Variants in SEMA5A observed in about 807,000 individuals in gnomAD.
SEMA5A encodes semaphorin-5A.
In SEMA5A, 55 loss-of-function variants were observed where a neutral mutation model predicts 135.5. That is an observed-to-expected ratio of 0.41 (90% CI 0.33 to 0.51). SEMA5A has a LOEUF of 0.51. Ranked by LOEUF, SEMA5A falls within the 20% of genes least tolerant of loss-of-function variation. The pLI, the probability that SEMA5A is intolerant of heterozygous loss-of-function variation, is 0.37. For synonymous variants in SEMA5A, 580 were observed against 546.5 expected (o/e 1.06, Z -0.85); for missense variants, 1,290 against 1,419.9 (o/e 0.91, Z 1.47).
chr5:9,066,248 T>C (rs1358107747), intron 17 of SEMA5A, among the ~76,000 whole-genome samples, 173 bp downstream of exon 17: 1 of 152,238 alleles, frequency 6.6e-6, no homozygotes, highest in African/African-American at 2.4e-5. Context: ...GTAAGGCTCC[T>C]TTCTTTCAAT....
At chr5:9,116,588 T>C (rs1187855822) in intron 15 of SEMA5A, among the ~76,000 whole-genome samples, 3 of 152,244 alleles carry the variant, frequency 2.0e-5, no homozygotes, top group African/African-American at 7.2e-5. Context: ...ATGTCCCAGA[T>C]GAAAAATCAC....
intron 11 of SEMA5A, among the ~76,000 whole-genome samples, chr5:9,182,412 A>G (rs1343328285): frequency 6.6e-6 from 1 of 152,124 alleles, no homozygotes; most frequent in African/African-American, 2.4e-5. Context: ...TCTCAAACTG[A>G]TAGGTGTTCC....
At chr5:9,525,063 T>A (rs1458597354) in intron 1 of SEMA5A, among the ~76,000 whole-genome samples, 1 of 152,222 alleles carries the variant, frequency 6.6e-6, no homozygotes, top group Non-Finnish European at 1.5e-5. Context: ...TTTCTTGAAC[T>A]ACAAAAATAG....
At chr5:9,446,877 G>A (rs564835107) in intron 1 of SEMA5A, among the ~76,000 whole-genome samples, 23 of 152,202 alleles carry the variant, frequency 1.5e-4, no homozygotes, top group African/African-American at 4.1e-4. Context: ...TCTTATATCC[G>A]CCCTCTGGTC....
chr5:9,053,969 C>G (rs1483031881), intron 19 of SEMA5A, 118 bp downstream of exon 19: 2 of 1,199,840 alleles, frequency 1.7e-6, no homozygotes, highest in Admixed American at 2.4e-5. Context: ...ATGTTGCTAA[C>G]TTGCCCACCC....
intron 18 of SEMA5A, among the ~76,000 whole-genome samples, chr5:9,055,829 A>C (rs1366693210): frequency 2.6e-5 from 4 of 151,894 alleles, no homozygotes; most frequent in Admixed American, 2.0e-4. Context: ...ACTGGCTGTA[A>C]TATCAGCAAT....
At chr5:9,157,742 C>T (rs775855239) in intron 11 of SEMA5A, among the ~76,000 whole-genome samples, 3 of 152,184 alleles carry the variant, frequency 2.0e-5, no homozygotes. Flanking sequence ...TTGTGGCATA[C>T]CCTGGACATG....
intron 8 of SEMA5A, among the ~76,000 whole-genome samples, chr5:9,207,894 TAG>T (rs1746129406): frequency 4.1e-5 from 1 of 24,118 alleles, no homozygotes; most frequent in Non-Finnish European, 8.6e-5. Context: ...GATAGATAGA[TAG>T]ATACATAGAT....
At chr5:9,409,182 A>G (rs1195677719) in intron 2 of SEMA5A, among the ~76,000 whole-genome samples, 2 of 152,352 alleles carry the variant, frequency 1.3e-5, no homozygotes, top group Non-Finnish European at 2.9e-5. Flanking sequence ...TTCTACAGAA[A>G]GGTGCAGTTT....
In SEMA5A at chr5:9,226,864, C is replaced by T. The variant is rs758749267; in HGVS notation, c.432+5G>A. The T allele has an allele frequency of 6.2e-7, 1 of 1,601,218 alleles. No individual in the cohort carries two copies. The highest frequency in any genetic ancestry group is 1.7e-5 in the Admixed American group (1 of 58,670). ...ATTCTTTTGAGGCACAAAAAGAAGC[C>T]ATACCGAGCGGTTGGTGCAGACAGG... On this transcript the variant is annotated splice_donor_5th_base_variant and intron_variant, in intron 7 of 22. Transcript: ENST00000382496.
At chr5:9,190,541 T>A in intron 10 of SEMA5A, 70 bp from the exon 11 acceptor site, 1 of 1,449,310 alleles carries the variant, frequency 6.9e-7, no homozygotes, top group Non-Finnish European at 9.6e-7. Context: ...GTGGCCACCC[T>A]AGCTGGAAAG....
Position 9,449,520 on chromosome 5 carries a change from T to C in SEMA5A, c.-174-11668A>G, listed in dbSNP as rs187885476. ...TGCAACAAACCACCATGACACATGTTTACCTCTTTAATAAACCTGCACATC... is the reference window on the plus strand; with the variant it reads ...TGCAACAAACCACCATGACACATGTCTACCTCTTTAATAAACCTGCACATC... On this transcript the variant is annotated intron_variant, in intron 1 of 22. Transcript: ENST00000382496. 9.3e-4 allele frequency among the ~76,000 whole-genome samples: 141 copies of C among 152,172 alleles called. 1 individual carries two copies. Among genetic ancestry groups the C allele is most frequent in the African/African-American group, 3.3e-3 (138 of 41,506 alleles).
At chr5:9,348,258 T>C (rs1169054759) in intron 3 of SEMA5A, among the ~76,000 whole-genome samples, 1 of 152,182 alleles carries the variant, frequency 6.6e-6, no homozygotes, top group African/African-American at 2.4e-5. Context: ...AAGCAATTAA[T>C]TAGGATAAGA....
chr5:9,123,291 A>C (rs1046103309), intron 13 of SEMA5A, among the ~76,000 whole-genome samples: 21 of 142,712 alleles, frequency 1.5e-4, no homozygotes, highest in African/African-American at 5.7e-4. Context: ...AAAAAAAAAA[A>C]AAAGATTGCA....
At chr5:9,047,503 T>C (rs1167980804) in intron 21 of SEMA5A, among the ~76,000 whole-genome samples, 10 of 152,248 alleles carry the variant, frequency 6.6e-5, no homozygotes, top group Non-Finnish European at 1.5e-5. Context: ...ATTAAATTTG[T>C]TCTGAATGTG....
At chr5:9,481,344 C>G (rs1299939615) in intron 1 of SEMA5A, among the ~76,000 whole-genome samples, 1 of 152,068 alleles carries the variant, frequency 6.6e-6, no homozygotes, top group East Asian at 1.9e-4. Flanking sequence ...GCTGGAGGTC[C>G]CTGAAGTGGA....
intron 2 of SEMA5A, among the ~76,000 whole-genome samples, chr5:9,399,816 G>A (rs17256926): frequency 0.041 from 6,260 of 152,002 alleles, 169 homozygotes; most frequent in Middle Eastern, 0.089. Context: ...TGGTGATAGC[G>A]GTGACTATGG....
intron 13 of SEMA5A, among the ~76,000 whole-genome samples, chr5:9,124,371 G>A (rs147544529): frequency 4.6e-5 from 7 of 152,334 alleles, no homozygotes; most frequent in African/African-American, 1.7e-4. Context: ...ATGGGGCACA[G>A]CCTTACATCA....
chr5:9,119,189 TC>T (rs1346871036), intron 14 of SEMA5A, 48 bp from the exon 15 acceptor site: 1 of 1,595,126 alleles, frequency 6.3e-7, no homozygotes, highest in Admixed American at 1.8e-5. Context: ...AGGCTCAGAG[TC>T]CAAGCCCTGT....
Sources: allele counts gnomAD v4.1 joint callset (sites outside exome capture counted in the v4.1 genomes callset), GRCh38; gene constraint gnomAD v4.1.1; transcripts MANE v1.5; gene names NCBI Gene and HGNC (gene_info 2026-07-23, HGNC 2026-07-21).